Variants in DNAH8 observed in about 807,000 individuals in gnomAD.
DNAH8 encodes axonemal beta dynein heavy chain 8.
Under a neutral mutation model 562.1 loss-of-function variants are expected in DNAH8, and 382 were observed. The observed-to-expected ratio is 0.68, with a 90% CI of 0.63 to 0.74. The LOEUF is 0.74. Among genes scored for constraint, DNAH8 ranks in the 30% least tolerant of loss-of-function variants. The probability of loss-of-function intolerance (pLI) is 0.00; values close to 1 mark genes in which losing one functional copy is unlikely to be tolerated. For synonymous variants in DNAH8, 1,881 were observed against 1,919.4 expected (o/e 0.98, Z 0.52); for missense variants, 5,203 against 5,620.4 (o/e 0.93, Z 2.37).
intron 88 of DNAH8, among the ~76,000 whole-genome samples, chr6:38,994,155 G>A (rs1764978292): frequency 6.6e-6 from 1 of 152,154 alleles, no homozygotes; most frequent in Admixed American, 6.5e-5. Flanking sequence ...TATTTTGAGT[G>A]AAATTGAGAA....
In DNAH8 at chr6:38,894,827, C is replaced by T. The variant is rs758380863; in HGVS notation, c.8710C>T (p.Leu2904Phe). 1.2e-6 allele frequency: 2 copies of T among 1,614,012 alleles called. No homozygotes were observed. Among genetic ancestry groups the T allele is most frequent in the South Asian group, 2.2e-5 (2 of 91,050 alleles). ...ECASIPTLLS[L>F]FKHECSRVIA... ...CGCTTCAATCCCTACTCTCCTGTCC[C>T]TTTTCAAACACGAGTGCAGCAGAGT... The change falls in exon 59 of 93, where the codon CTT becomes TTT. Residue 2904 changes from leucine (L) to phenylalanine (F), a missense_variant. Physicochemically the swap from Leu to Phe is conservative, Grantham distance 22. Coordinates refer to ENST00000327475, the MANE Select transcript of DNAH8 (RefSeq NM_001206927.2).
intron 62 of DNAH8, among the ~76,000 whole-genome samples, chr6:38,903,351 G>C (rs1444064072): frequency 1.3e-5 from 2 of 152,078 alleles, no homozygotes; most frequent in Non-Finnish European, 2.9e-5. Flanking sequence ...TGTGAGAGCT[G>C]GAGTGAGAGA....
chr6:38,833,243 CT>C lies in DNAH8; in HGVS notation c.4302+818del, dbSNP rs5875642. ...AGCCCTTGGTGCTACTTATATAATG[CT>C]TTTTTTTTTAACATGTGCTAAACAT... On this transcript the variant is annotated intron_variant, in intron 31 of 92. Transcript: ENST00000327475. Among the ~76,000 whole-genome samples, 81 of 148,314 alleles carry C rather than the reference CT, an allele frequency of 5.5e-4. 1 individual carries two copies. Among genetic ancestry groups the C allele is most frequent in the Admixed American group, 4.4e-3 (65 of 14,866 alleles).
intron 53 of DNAH8, among the ~76,000 whole-genome samples, chr6:38,880,006 G>C (rs1778344387): frequency 6.6e-6 from 1 of 152,186 alleles, no homozygotes; most frequent in Non-Finnish European, 1.5e-5. Flanking sequence ...CCTTTGGGAG[G>C]CCGAGTGGGG....
At chr6:38,882,861 C>T (rs1583267543) in intron 53 of DNAH8, 49 bp from the exon 54 acceptor site, 2 of 1,303,036 alleles carry the variant, frequency 1.5e-6, no homozygotes, top group East Asian at 5.3e-5. Context: ...TATGAGATAA[C>T]TTTCACAGAA....
intron 26 of DNAH8, among the ~76,000 whole-genome samples, chr6:38,816,365 C>T (rs1772274497): frequency 6.6e-6 from 1 of 152,134 alleles, no homozygotes; most frequent in South Asian, 2.1e-4. Flanking sequence ...CATTAGTTTG[C>T]CAAGGATAAT....
chr6:39,000,288 A>G (rs1051752736), intron 88 of DNAH8, among the ~76,000 whole-genome samples: 1 of 152,214 alleles, frequency 6.6e-6, no homozygotes, highest in Non-Finnish European at 1.5e-5. Context: ...TTGCTATGAT[A>G]ACACAGGTGG....
At chr6:38,745,662 C>A (rs1273573375) in intron 8 of DNAH8, among the ~76,000 whole-genome samples, 1 of 152,170 alleles carries the variant, frequency 6.6e-6, no homozygotes, top group African/African-American at 2.4e-5. Flanking sequence ...GTTCTGGGAT[C>A]CAATCCAGGA....
chr6:38,767,653 T>C (rs1767148153), intron 11 of DNAH8, among the ~76,000 whole-genome samples: 2 of 152,250 alleles, frequency 1.3e-5, no homozygotes, highest in Non-Finnish European at 2.9e-5. Context: ...CTGAGTAATA[T>C]ATTCCATTGT....
intron 11 of DNAH8, among the ~76,000 whole-genome samples, chr6:38,766,641 G>A (rs1024308485): frequency 6.6e-6 from 1 of 151,950 alleles, no homozygotes; most frequent in Non-Finnish European, 1.5e-5. Context: ...CATGCACCAT[G>A]TATTGTATAC....
chr6:38,952,482 T>C (rs573517815), intron 82 of DNAH8, among the ~76,000 whole-genome samples: 1 of 152,336 alleles, frequency 6.6e-6, no homozygotes, highest in East Asian at 1.9e-4. Flanking sequence ...CTATACCTTG[T>C]AGGGTTAATC....
Position 39,001,710 on chromosome 6 carries a change from A to G in DNAH8, c.13215-7104A>G, listed in dbSNP as rs111700173. ...GAAAAAGGTTTGTATGCCATGTGAA[A>G]GACTTCAGATTTTATCCTGAAGGTT... On this transcript the variant is annotated intron_variant, in intron 88 of 92. Coordinates refer to ENST00000327475, the MANE Select transcript of DNAH8 (RefSeq NM_001206927.2). Among the ~76,000 whole-genome samples, 303 of 152,314 alleles carry G rather than the reference A, an allele frequency of 2.0e-3. 1 individual carries two copies. Among genetic ancestry groups the G allele is most frequent in the African/African-American group, 6.9e-3 (285 of 41,578 alleles).
intron 58 of DNAH8, among the ~76,000 whole-genome samples, chr6:38,893,481 G>T (rs1367980063): frequency 1.3e-5 from 2 of 152,154 alleles, no homozygotes; most frequent in African/African-American, 4.8e-5. Context: ...ACCAATGGCT[G>T]CCGTCATGGC....
intron 88 of DNAH8, among the ~76,000 whole-genome samples, chr6:38,994,864 G>C (rs1349328725): frequency 1.3e-5 from 2 of 151,922 alleles, no homozygotes. Context: ...GGCTGGTCTT[G>C]AGCTCTTGAC....
At position 38,873,027 on chromosome 6, in the gene DNAH8, C is replaced by T; in HGVS notation, c.7359C>T (p.Ala2453=). The change falls in exon 51 of 93, where the codon GCC becomes GCT. Residue 2453 remains alanine, a synonymous_variant. Transcript: ENST00000327475. Reference sequence around the variant, plus strand: ...CTAATGGAGATCGCATTCCCATGGCCCCTAGTTGTAAGCTTCTGTTTGAAG... The same window carrying T: ...CTAATGGAGATCGCATTCCCATGGCTCCTAGTTGTAAGCTTCTGTTTGAAG... ...TLANGDRIPM[A]PSCKLLFEVH... is the part of the protein sequence containing the mutation. 2.5e-6 allele frequency: 4 copies of T among 1,614,060 alleles called. No homozygotes were observed. Among genetic ancestry groups the T allele is most frequent in the Non-Finnish European group, 2.5e-6 (3 of 1,179,996 alleles).
chr6:38,829,747 A>G (rs1305366875), intron 30 of DNAH8, among the ~76,000 whole-genome samples: 2 of 152,186 alleles, frequency 1.3e-5, no homozygotes, highest in Non-Finnish European at 2.9e-5. Context: ...GCTTTGTGCT[A>G]AGCTTTAAAA....
At chr6:38,833,175 TC>T (rs1390630656) in intron 31 of DNAH8, among the ~76,000 whole-genome samples, 7 of 152,200 alleles carry the variant, frequency 4.6e-5, no homozygotes, top group Non-Finnish European at 1.0e-4. Flanking sequence ...AAATATTCTT[TC>T]TTTTAGTGGT....
intron 60 of DNAH8, among the ~76,000 whole-genome samples, chr6:38,897,403 T>G (rs1249714385): frequency 1.3e-5 from 2 of 151,896 alleles, no homozygotes; most frequent in Non-Finnish European, 2.9e-5. Flanking sequence ...ACAGAAAAAA[T>G]TTACCAACAC....
chr6:38,798,473 C>G (rs1770494271), intron 21 of DNAH8, among the ~76,000 whole-genome samples: 1 of 152,132 alleles, frequency 6.6e-6, no homozygotes, highest in African/African-American at 2.4e-5. Flanking sequence ...CTTATTAGGA[C>G]AGGATGCTTT....
Sources: gnomAD v4.1 joint callset for allele counts (sites outside exome capture counted in the v4.1 genomes callset) on GRCh38, gnomAD v4.1.1 for gene constraint, MANE v1.5 for transcripts, NCBI Gene and HGNC (gene_info 2026-07-23, HGNC 2026-07-21) for gene names.